MEGF11: variants seen among roughly 807,000 people sequenced by gnomAD.
MEGF11 encodes the protein multiple EGF like domains 11, also known as multiple epidermal growth factor-like domains protein 11.
In MEGF11, 126 loss-of-function variants were observed where a neutral mutation model predicts 146.6. The ratio of observed to expected loss-of-function variants is 0.86; its 90% CI spans 0.74 to 1.00. The LOEUF is 1.00. MEGF11 is among the 50% of genes least tolerant of loss of function. The pLI, the probability that MEGF11 is intolerant of heterozygous loss-of-function variation, is 0.00. For missense variants in MEGF11, 1,509 were observed against 1,521.2 expected (o/e 0.99, Z 0.13); for synonymous variants, 532 against 583.4 (o/e 0.91, Z 1.27).
At chr15:66,063,343 G>A (rs1433415758) in intron 5 of MEGF11, among the ~76,000 whole-genome samples, 1 of 152,186 alleles carries the variant, frequency 6.6e-6, no homozygotes, top group Non-Finnish European at 1.5e-5. Context: ...ATGGGGCAAG[G>A]TCAGATGCAG....
intron 1 of MEGF11, among the ~76,000 whole-genome samples, chr15:66,219,923 T>C (rs1056269939): frequency 5.3e-5 from 8 of 152,150 alleles, no homozygotes; most frequent in Non-Finnish European, 1.0e-4. Flanking sequence ...AGTTGAATAG[T>C]GTTCCCCAAA....
At chr15:66,069,156 TA>T (rs2140458803) in intron 5 of MEGF11, among the ~76,000 whole-genome samples, 1 of 151,378 alleles carries the variant, frequency 6.6e-6, no homozygotes, top group East Asian at 1.9e-4. Flanking sequence ...CCATTAAAAG[TA>T]ATTGCAAAAA....
At chr15:66,111,324 C>A (rs1277206146) in intron 4 of MEGF11, among the ~76,000 whole-genome samples, 1 of 152,208 alleles carries the variant, frequency 6.6e-6, no homozygotes, top group African/African-American at 2.4e-5. Context: ...CCCCATTCCA[C>A]TTCTCTCTGT....
intron 7 of MEGF11, among the ~76,000 whole-genome samples, chr15:65,978,383 A>G (rs1330658263): frequency 1.3e-5 from 2 of 152,254 alleles, no homozygotes; most frequent in African/African-American, 2.4e-5. Context: ...GTTAAATGCT[A>G]TGTCAAAAAT....
At chr15:66,054,039 T>C (rs1290832939) in intron 5 of MEGF11, among the ~76,000 whole-genome samples, 1 of 152,086 alleles carries the variant, frequency 6.6e-6, no homozygotes, top group Non-Finnish European at 1.5e-5. Flanking sequence ...ACCCCTTTGA[T>C]CTCCACTGGA....
chr15:66,116,368 C>T (rs1305117865), intron 4 of MEGF11, among the ~76,000 whole-genome samples: 1 of 152,096 alleles, frequency 6.6e-6, no homozygotes, highest in African/African-American at 2.4e-5. Context: ...TCTCGTAGCA[C>T]AGCACTGTGG....
intron 5 of MEGF11, among the ~76,000 whole-genome samples, chr15:66,038,925 G>C (rs2083835599): frequency 6.6e-6 from 1 of 152,166 alleles, no homozygotes; most frequent in Non-Finnish European, 1.5e-5. Flanking sequence ...GGCACCTGTA[G>C]GGCTTAACAG....
intron 1 of MEGF11, among the ~76,000 whole-genome samples, chr15:66,151,980 G>T (rs779602082): frequency 6.6e-6 from 1 of 152,248 alleles, no homozygotes; most frequent in Non-Finnish European, 1.5e-5. Context: ...AGGGTGTGCA[G>T]GCAGATGCAG....
chr15:65,920,316 A>T (rs1246429232), intron 15 of MEGF11, among the ~76,000 whole-genome samples: 3 of 152,322 alleles, frequency 2.0e-5, no homozygotes, highest in African/African-American at 7.2e-5. Flanking sequence ...AGAGGGTGAC[A>T]TGCATCTCAC....
chr15:65,918,113 C>T lies in MEGF11; in HGVS notation c.1958-19G>A. On this transcript the variant is annotated intron_variant, in intron 15 of 25. Transcript: ENST00000395614. Reference sequence around the variant, plus strand: ...GCACACACTGTGGGCACAGGGCAGCCTGGCACCCATCCTCCCACCTGTGTT... The same window carrying T: ...GCACACACTGTGGGCACAGGGCAGCTTGGCACCCATCCTCCCACCTGTGTT... The T allele has an allele frequency of 2.5e-6, 4 of 1,613,014 alleles. No homozygotes were observed. Among genetic ancestry groups the T allele is most frequent in the Non-Finnish European group, 3.4e-6 (4 of 1,179,778 alleles).
At chr15:65,912,709 C>T (rs1407582383) in intron 20 of MEGF11, among the ~76,000 whole-genome samples, 1 of 152,184 alleles carries the variant, frequency 6.6e-6, no homozygotes, top group African/African-American at 2.4e-5. Flanking sequence ...AAGAAAATCC[C>T]CAAATCTGTG....
Position 65,922,840 on chromosome 15 carries a change from C to T in MEGF11, c.1805G>A (p.Gly602Glu), listed in dbSNP as rs1425960361. The T allele has an allele frequency of 6.2e-7, 1 of 1,613,802 alleles. No individual in the cohort carries two copies. The highest frequency in any genetic ancestry group is 8.5e-7 in the Non-Finnish European group (1 of 1,179,830). ...AGCCTTACTTCTCTGGCATAAGGGT[C>T]CTCGGAAGCCAGGGGCACACTCGCA... ...GSCECAPGFR[G>E]PLCQRICPPG... Residue 602 changes from glycine (G) to glutamate (E), a missense_variant, in exon 14 of 26, where the codon GGA becomes GAA. Physicochemically the swap from Gly to Glu is moderately conservative, Grantham distance 98 (BLOSUM62 -2). Coordinates refer to ENST00000395614, the MANE Select transcript of MEGF11 (RefSeq NM_001385028.1).
intron 1 of MEGF11, among the ~76,000 whole-genome samples, chr15:66,178,587 G>A (rs1309549549): frequency 6.6e-6 from 1 of 152,186 alleles, no homozygotes; most frequent in East Asian, 1.9e-4. Flanking sequence ...CCAGGACCTA[G>A]GTAAGACAAG....
intron 10 of MEGF11, among the ~76,000 whole-genome samples, chr15:65,936,267 A>G (rs2079783405): frequency 1.3e-5 from 2 of 152,086 alleles, no homozygotes; most frequent in Admixed American, 1.3e-4. Context: ...CCTTCATCCT[A>G]GCACTGGATG....
chr15:66,152,766 G>A (rs2089615844), intron 1 of MEGF11, among the ~76,000 whole-genome samples: 1 of 152,250 alleles, frequency 6.6e-6, no homozygotes, highest in Admixed American at 6.5e-5. Context: ...CACATGGCCG[G>A]ATGGCAGTGG....
chr15:66,012,760 C>T (rs1033934712), intron 5 of MEGF11, among the ~76,000 whole-genome samples: 7 of 152,222 alleles, frequency 4.6e-5, no homozygotes, highest in African/African-American at 1.7e-4. Flanking sequence ...CCTCTGCTCC[C>T]TGCCTGCCAA....
intron 1 of MEGF11, among the ~76,000 whole-genome samples, chr15:66,132,873 T>C (rs1328066179): frequency 6.6e-6 from 1 of 152,090 alleles, no homozygotes; most frequent in African/African-American, 2.4e-5. Flanking sequence ...CTAGAACATA[T>C]ACTTCATGAG....
At chr15:65,991,187 A>T (rs1308984332) in intron 5 of MEGF11, among the ~76,000 whole-genome samples, 5 of 152,122 alleles carry the variant, frequency 3.3e-5, no homozygotes, top group African/African-American at 1.2e-4. Flanking sequence ...TGCATATCCC[A>T]CCCATCTCCT....
intron 5 of MEGF11, among the ~76,000 whole-genome samples, chr15:66,018,946 G>T (rs1457353701): frequency 1.3e-5 from 2 of 152,206 alleles, no homozygotes; most frequent in African/African-American, 2.4e-5. Context: ...GAGAGATTTG[G>T]CAGAGAGGGC....
Sources: allele counts gnomAD v4.1 joint callset (sites outside exome capture counted in the v4.1 genomes callset), GRCh38; gene constraint gnomAD v4.1.1; transcripts MANE v1.5; gene names NCBI Gene and HGNC (gene_info 2026-07-23, HGNC 2026-07-21).